TMCC3: variants seen among roughly 807,000 people sequenced by gnomAD.
The protein encoded by TMCC3 is transmembrane and coiled-coil domain family 3.
In TMCC3, 28 loss-of-function variants were observed where a neutral mutation model predicts 40.2. The ratio of observed to expected loss-of-function variants is 0.70; its 90% CI spans 0.52 to 0.95. The LOEUF (loss-of-function observed/expected upper bound fraction) is 0.95, where lower values mean the gene tolerates loss of function less well. TMCC3 is among the 40% of genes least tolerant of loss of function. The probability of loss-of-function intolerance (pLI) is 0.00; values close to 1 mark genes in which losing one functional copy is unlikely to be tolerated. For synonymous variants in TMCC3, 255 were observed against 248.5 expected (o/e 1.03, Z -0.25); for missense variants, 554 against 615.2 (o/e 0.90, Z 1.05).
chr12:94,613,103 T>TACACACACAC (rs61688830), intron 1 of TMCC3, among the ~76,000 whole-genome samples: 16 of 148,946 alleles, frequency 1.1e-4, no homozygotes, highest in African/African-American at 4.0e-4. Context: ...ATAAAATGGA[T>TACACACACAC]ACACACACAC....
intron 3 of TMCC3, among the ~76,000 whole-genome samples, chr12:94,578,177 A>G (rs1162340427): frequency 4.7e-5 from 7 of 149,784 alleles, no homozygotes; most frequent in Admixed American, 2.0e-4. Flanking sequence ...AAGAAAAAGA[A>G]AAAGAAAAAA....
intron 1 of TMCC3, chr12:94,616,172 T>C (rs1367534515): frequency 2.3e-6 from 2 of 857,696 alleles, no homozygotes; most frequent in Middle Eastern, 5.9e-4. Flanking sequence ...ATTCAACACA[T>C]TGCTGTACAA....
intron 1 of TMCC3, among the ~76,000 whole-genome samples, chr12:94,593,861 C>T (rs116341369): frequency 5.3e-5 from 8 of 152,036 alleles, no homozygotes; most frequent in Admixed American, 6.6e-5. Context: ...AAGATTTGTA[C>T]GTACTAAATC....
At chr12:94,645,176 A>C (rs1458181587) in intron 1 of TMCC3, among the ~76,000 whole-genome samples, 1 of 152,222 alleles carries the variant, frequency 6.6e-6, no homozygotes, top group Non-Finnish European at 1.5e-5. Context: ...TTTTGAATAA[A>C]CGAAGCATCT....
chr12:94,587,463 G>T (rs1023736824), intron 1 of TMCC3, among the ~76,000 whole-genome samples: 3 of 152,186 alleles, frequency 2.0e-5, no homozygotes, highest in Non-Finnish European at 2.9e-5. Flanking sequence ...GACTGCTTTG[G>T]TTTCCATCTT....
At chr12:94,582,596 G>T (rs1008193692) in intron 1 of TMCC3, 58 bp from the exon 2 acceptor site, 6 of 1,452,936 alleles carry the variant, frequency 4.1e-6, no homozygotes, top group South Asian at 1.3e-5. Flanking sequence ...TAATTACTGT[G>T]ACAGAATCTA....
chr12:94,589,266 T>G (rs1553295), intron 1 of TMCC3, among the ~76,000 whole-genome samples: 1 of 151,982 alleles, frequency 6.6e-6, no homozygotes, highest in Non-Finnish European at 1.5e-5. Flanking sequence ...GCTGCTCCTA[T>G]GATATGCCAC....
chr12:94,597,121 AT>A (rs1301030480), intron 1 of TMCC3, among the ~76,000 whole-genome samples: 351 of 4,952 alleles, frequency 0.071, 4 homozygotes, highest in Middle Eastern at 0.25. Flanking sequence ...CTCTATTAAA[AT>A]ACATATATAT....
intron 1 of TMCC3, among the ~76,000 whole-genome samples, chr12:94,627,936 G>A (rs1293892581): frequency 1.3e-5 from 2 of 152,254 alleles, no homozygotes; most frequent in South Asian, 4.1e-4. Context: ...CTAGCACATA[G>A]TAGGTGCTCA....
Position 94,582,071 on chromosome 12 carries a change from C to T in TMCC3, c.546G>A (p.Glu182=), listed in dbSNP as rs1566315648. The T allele has an allele frequency of 6.2e-7, 1 of 1,614,210 alleles. No individual in the cohort carries two copies. Among genetic ancestry groups the T allele is most frequent in the Non-Finnish European group, 8.5e-7 (1 of 1,180,036 alleles). ...CCCCTGGCATGCCCGATTTGCTGCTCTCCATGCAATGGGGGGCAGTTCGAG... is the reference window on the plus strand; with the variant it reads ...CCCCTGGCATGCCCGATTTGCTGCTTTCCATGCAATGGGGGGCAGTTCGAG... The part of the protein sequence containing the change: ...VKSRTAPHCM[E]SSKSGMPGVS... The change falls in exon 2 of 4, where the codon GAG becomes GAA. Residue 182 remains glutamate (E), a synonymous_variant. Transcript: ENST00000261226.
chr12:94,614,256 T>C (rs193280551), intron 1 of TMCC3, among the ~76,000 whole-genome samples: 1 of 152,216 alleles, frequency 6.6e-6, no homozygotes, highest in East Asian at 1.9e-4. Flanking sequence ...AAATCTAAAT[T>C]TGAGACCCTA....
intron 1 of TMCC3, among the ~76,000 whole-genome samples, chr12:94,624,558 G>A (rs562264020): frequency 9.1e-4 from 138 of 151,552 alleles, no homozygotes; most frequent in Admixed American, 1.1e-3. Flanking sequence ...ACTAAAAAAC[G>A]AAAAAATTAG....
At chr12:94,616,047 C>T in intron 1 of TMCC3, 1 of 985,344 alleles carries the variant, frequency 1.0e-6, no homozygotes, top group Non-Finnish European at 1.2e-6. Context: ...CCATATGACT[C>T]AGCCTGGACT....
intron 1 of TMCC3, among the ~76,000 whole-genome samples, chr12:94,643,528 T>A (rs972596841): frequency 2.4e-4 from 36 of 152,208 alleles, no homozygotes; most frequent in African/African-American, 8.7e-4. Flanking sequence ...TCTTTAATGA[T>A]CTTAAATCAT....
chr12:94,622,781 A>T (rs1231114050), intron 1 of TMCC3, among the ~76,000 whole-genome samples: 2 of 151,892 alleles, frequency 1.3e-5, no homozygotes, highest in Non-Finnish European at 2.9e-5. Flanking sequence ...CCCTGCAGAT[A>T]TAAAAAAAGA....
At chr12:94,608,478 C>T (rs2068796307) in intron 1 of TMCC3, among the ~76,000 whole-genome samples, 1 of 152,082 alleles carries the variant, frequency 6.6e-6, no homozygotes, top group Non-Finnish European at 1.5e-5. Flanking sequence ...CCTTTTTGCT[C>T]CCTCCAACAC....
intron 1 of TMCC3, among the ~76,000 whole-genome samples, chr12:94,617,908 TAA>T (rs1370574978): frequency 6.6e-6 from 1 of 152,168 alleles, no homozygotes; most frequent in African/African-American, 2.4e-5. Flanking sequence ...CTATCAAAGT[TAA>T]TATTGCATAG....
intron 1 of TMCC3, among the ~76,000 whole-genome samples, chr12:94,604,418 A>ACT (rs1482448616): frequency 6.6e-6 from 1 of 152,146 alleles, no homozygotes; most frequent in East Asian, 1.9e-4. Context: ...TCTTTTGTGA[A>ACT]CTAAGTCCTG....
intron 1 of TMCC3, among the ~76,000 whole-genome samples, chr12:94,583,294 C>T (rs1256385181): frequency 6.6e-6 from 1 of 151,780 alleles, no homozygotes; most frequent in African/African-American, 2.4e-5. Flanking sequence ...CACCTGAAGT[C>T]GGGAGTTTGA....
Sources: allele counts gnomAD v4.1 joint callset (sites outside exome capture counted in the v4.1 genomes callset), GRCh38; gene constraint gnomAD v4.1.1; transcripts MANE v1.5; gene names NCBI Gene and HGNC (gene_info 2026-07-23, HGNC 2026-07-21).